SGCD: variants seen among roughly 807,000 people sequenced by gnomAD.
SGCD encodes sarcoglycan delta.
A neutral mutation model predicts 36.6 loss-of-function variants in SGCD; 18 were observed. That is an observed-to-expected ratio of 0.49 (90% CI 0.34 to 0.73). The LOEUF is 0.73. Among genes scored for constraint, SGCD ranks in the 30% least tolerant of loss-of-function variants. SGCD has a pLI of 0.01. For missense variants in SGCD, 387 were observed against 346.7 expected, an observed-to-expected ratio of 1.12 and a Z score of -0.92; for synonymous variants, 133 against 130.6, an observed-to-expected ratio of 1.02 and a Z score of -0.12.
chr5:156,625,145 C>T (rs1762394099), intron 6 of SGCD, among the ~76,000 whole-genome samples: 1 of 152,200 alleles, frequency 6.6e-6, no homozygotes, highest in South Asian at 2.1e-4. Flanking sequence ...CCCTCCCCAG[C>T]ACCATAGGAA....
Position 156,054,363 on chromosome 5 carries a change from G to A in SGCD, c.-281-63515G>A, listed in dbSNP as rs894294175. On this transcript the variant is annotated intron_variant, in intron 1 of 9. Coordinates refer to the SGCD transcript ENST00000517913. ...TGCAGTGGCGCGATCTCGGCTCACG[G>A]CAAGCTCCGCCTCCCGGGTTCACGC... 4.3e-5 allele frequency among the ~76,000 whole-genome samples: 6 copies of A among 139,924 alleles called. 1 individual carries two copies. The highest frequency in any genetic ancestry group is 2.3e-4 in the South Asian group (1 of 4,384). The allele number at this position is 139,924 out of a possible 152,430, so 91.8% of individuals were successfully genotyped here. A position where few individuals can be genotyped will look rare whatever the true frequency, so the allele number is the denominator to read the frequency against.
chr5:156,531,809 C>T (rs960894730), intron 4 of SGCD, among the ~76,000 whole-genome samples: 3 of 151,836 alleles, frequency 2.0e-5, no homozygotes, highest in South Asian at 2.1e-4. Context: ...AAAGACTCTA[C>T]GTAAATGTAT....
intron 1 of SGCD, among the ~76,000 whole-genome samples, chr5:156,097,290 C>T (rs923315937): frequency 6.6e-6 from 1 of 152,186 alleles, no homozygotes; most frequent in Non-Finnish European, 1.5e-5. Flanking sequence ...TAAATACTCT[C>T]AGCATCTCTC....
At chr5:156,099,996 T>C (rs1389254948) in intron 1 of SGCD, among the ~76,000 whole-genome samples, 2 of 152,178 alleles carry the variant, frequency 1.3e-5, no homozygotes, top group African/African-American at 4.8e-5. Flanking sequence ...TATATTCATA[T>C]ATATGTCATA....
intron 3 of SGCD, among the ~76,000 whole-genome samples, chr5:156,168,672 G>A (rs575753860): frequency 2.0e-5 from 3 of 152,172 alleles, no homozygotes; most frequent in Non-Finnish European, 4.4e-5. Context: ...AATTGTATTT[G>A]TTCATCCTAA....
chr5:156,275,757 T>C (rs981542380), intron 3 of SGCD, among the ~76,000 whole-genome samples: 1 of 152,212 alleles, frequency 6.6e-6, no homozygotes, highest in African/African-American at 2.4e-5. Flanking sequence ...CTCTTACTTA[T>C]GTTGCATCCT....
At position 156,441,897 on chromosome 5, in the gene SGCD, T is replaced by A. The variant is rs535367584; in HGVS notation, c.193-66704T>A. Among the ~76,000 whole-genome samples, 8 of 152,262 alleles carry A rather than the reference T, an allele frequency of 5.3e-5. 1 individual carries two copies. The highest frequency in any genetic ancestry group is 1.9e-4 in the African/African-American group (8 of 41,572). On this transcript the variant is annotated intron_variant, in intron 3 of 8. Transcript: ENST00000337851. ...AGTCACCTGAGGTGGAAATGGCTGA[T>A]TTGCGTGGAAGAAATGACTGTGACT... is the stretch of plus-strand genomic sequence containing the variant.
At chr5:156,664,486 A>G (rs1429578227) in intron 7 of SGCD, among the ~76,000 whole-genome samples, 5 of 98,266 alleles carry the variant, frequency 5.1e-5, no homozygotes, top group African/African-American at 8.0e-5. Context: ...TGGGTCTTGG[A>G]TTTTTTCCCA....
At chr5:156,095,218 C>T (rs1318915647) in intron 1 of SGCD, among the ~76,000 whole-genome samples, 2 of 152,086 alleles carry the variant, frequency 1.3e-5, no homozygotes, top group Non-Finnish European at 2.9e-5. Context: ...AAGAGGTATG[C>T]CTACGCAAAT....
intron 7 of SGCD, among the ~76,000 whole-genome samples, chr5:156,673,850 T>C (rs537824786): frequency 6.6e-6 from 1 of 152,316 alleles, no homozygotes; most frequent in Admixed American, 6.5e-5. Flanking sequence ...TGCCATGACA[T>C]GTGAGGAACA....
intron 2 of SGCD, among the ~76,000 whole-genome samples, chr5:156,340,502 A>G (rs994493556): frequency 6.6e-6 from 1 of 152,210 alleles, no homozygotes; most frequent in African/African-American, 2.4e-5. Context: ...CAAACCATAT[A>G]AATATATTCT....
At chr5:156,140,555 A>G (rs1043918751) in intron 3 of SGCD, among the ~76,000 whole-genome samples, 6 of 152,210 alleles carry the variant, frequency 3.9e-5, no homozygotes, top group African/African-American at 1.4e-4. Context: ...GGAAGGCAAA[A>G]TTTAAGAGCT....
At chr5:156,437,800 A>G (rs554957729) in intron 3 of SGCD, among the ~76,000 whole-genome samples, 1 of 152,302 alleles carries the variant, frequency 6.6e-6, no homozygotes, top group East Asian at 1.9e-4. Context: ...GAGAGGGAAG[A>G]AAATATATAT....
rs564519206 is a variant in SGCD, at chr5:156,463,529, GTT to G, written c.193-45067_193-45066del. 5.7e-4 allele frequency among the ~76,000 whole-genome samples: 87 copies of G among 152,246 alleles called. 2 individuals are homozygous for G. The South Asian group carries it at 0.018, about 31-fold the overall frequency. ...GGATAAATTAATCTCAAGAGGGAAT[GTT>G]TTTTGTTGAAATTAGTGTGGTGTTT... On this transcript the variant is annotated intron_variant, in intron 3 of 8. Coordinates refer to ENST00000337851, the MANE Select transcript of SGCD (RefSeq NM_000337.6).
chr5:156,472,318 A>G (rs1194447418), intron 3 of SGCD, among the ~76,000 whole-genome samples: 1 of 152,242 alleles, frequency 6.6e-6, no homozygotes, highest in African/African-American at 2.4e-5. Context: ...AATAGCTGAA[A>G]AAATAGAAAT....
chr5:155,877,031 A>G (rs1159590610), intron 1 of SGCD, among the ~76,000 whole-genome samples: 1 of 152,106 alleles, frequency 6.6e-6, no homozygotes, highest in Non-Finnish European at 1.5e-5. Context: ...TTGTACTGAC[A>G]TGCTGAGAAA....
At chr5:155,880,026 T>C (rs1755848995) in intron 1 of SGCD, among the ~76,000 whole-genome samples, 1 of 152,172 alleles carries the variant, frequency 6.6e-6, no homozygotes, top group Non-Finnish European at 1.5e-5. Flanking sequence ...ATTTGTCTAG[T>C]GACTAAATAG....
At chr5:155,777,151 G>A in the SGCD span, among the ~76,000 whole-genome samples, 58 of 152,100 alleles carry the variant, frequency 3.8e-4, no homozygotes, top group Non-Finnish European at 6.6e-4. Context: ...TTAAATTCTG[G>A]AACATGGTTT....
chr5:156,449,166 T>C (rs765010427), intron 3 of SGCD, among the ~76,000 whole-genome samples: 2 of 152,178 alleles, frequency 1.3e-5, no homozygotes, highest in Non-Finnish European at 2.9e-5. Context: ...AGCTCCTAAC[T>C]GTGTGTTCTT....
Sources: gnomAD v4.1 joint callset for allele counts (sites outside exome capture counted in the v4.1 genomes callset) on GRCh38, gnomAD v4.1.1 for gene constraint, MANE v1.5 for transcripts, NCBI Gene and HGNC (gene_info 2026-07-23, HGNC 2026-07-21) for gene names.